The following SOX6 variants were observed in gnomAD, a reference collection of about 807,000 sequenced individuals.
SOX6 encodes the protein transcription factor SOX-6.
In SOX6, 11 loss-of-function variants were observed where a neutral mutation model predicts 97.8. The observed-to-expected ratio is 0.11, with a 90% CI of 0.07 to 0.19. The LOEUF (loss-of-function observed/expected upper bound fraction) is 0.19, where lower values mean the gene tolerates loss of function less well. SOX6 is among the 10% of genes least tolerant of loss of function. The pLI, the probability that SOX6 is intolerant of heterozygous loss-of-function variation, is 1.00. For synonymous variants in SOX6, 360 were observed against 371.4 expected, an observed-to-expected ratio of 0.97 and a Z score of 0.35; for missense variants, 810 against 1,039.5, an observed-to-expected ratio of 0.78 and a Z score of 3.04.
intron 3 of SOX6, among the ~76,000 whole-genome samples, chr11:16,282,002 TATATAC>T (rs1409145005): frequency 1.4e-5 from 2 of 146,660 alleles, no homozygotes; most frequent in Non-Finnish European, 3.0e-5. Context: ...TATATATATA[TATATAC>T]ACACACACCC....
At chr11:16,511,554 A>G (rs1477014724) in intron 4 of SOX6, among the ~76,000 whole-genome samples, 6 of 152,048 alleles carry the variant, frequency 3.9e-5, no homozygotes, top group African/African-American at 1.4e-4. Context: ...CCTGAATTCT[A>G]CAAATAGATA....
chr11:16,482,111 C>T (rs558592950), intron 4 of SOX6, among the ~76,000 whole-genome samples: 2 of 144,262 alleles, frequency 1.4e-5, no homozygotes, highest in East Asian at 2.5e-4. Flanking sequence ...TCCATTTTCA[C>T]ACAGATAGGT....
At chr11:16,510,654 T>C (rs1860867211) in intron 4 of SOX6, among the ~76,000 whole-genome samples, 1 of 152,098 alleles carries the variant, frequency 6.6e-6, no homozygotes, top group Admixed American at 6.6e-5. Flanking sequence ...ATCCATCTTT[T>C]TATGTTAAAT....
intron 4 of SOX6, among the ~76,000 whole-genome samples, chr11:16,198,463 G>T (rs1218102920): frequency 6.6e-6 from 1 of 151,850 alleles, no homozygotes; most frequent in Non-Finnish European, 1.5e-5. Flanking sequence ...AATGCTCATG[G>T]TTTTTCAACT....
intron 1 of SOX6, among the ~76,000 whole-genome samples, chr11:16,387,734 T>C (rs1283834399): frequency 6.6e-6 from 1 of 152,136 alleles, no homozygotes; most frequent in Non-Finnish European, 1.5e-5. Flanking sequence ...GCTGCCAATA[T>C]ATAAACTTAT....
At chr11:16,714,460 T>C (rs1238819364) in intron 3 of SOX6, among the ~76,000 whole-genome samples, 1 of 148,668 alleles carries the variant, frequency 6.7e-6, no homozygotes, top group East Asian at 1.9e-4. Flanking sequence ...TCTTTTTTTT[T>C]TTTTTTTTTT....
intron 1 of SOX6, among the ~76,000 whole-genome samples, chr11:16,435,307 T>C (rs1187494864): frequency 2.0e-5 from 3 of 152,200 alleles, no homozygotes; most frequent in Non-Finnish European, 4.4e-5. Context: ...GAACATATTT[T>C]ATATTTTTAA....
intron 1 of SOX6, among the ~76,000 whole-genome samples, chr11:16,362,410 C>A (rs1168788451): frequency 6.6e-6 from 1 of 152,048 alleles, no homozygotes; most frequent in African/African-American, 2.4e-5. Context: ...CCTTGTGGAA[C>A]AATCATAGCA....
At chr11:16,362,550 G>T (rs779375593) in intron 1 of SOX6, among the ~76,000 whole-genome samples, 1 of 152,016 alleles carries the variant, frequency 6.6e-6, no homozygotes, top group Non-Finnish European at 1.5e-5. Flanking sequence ...TTATAGAACA[G>T]CAAGATAATT....
chr11:16,326,899 T>A (rs2134316949), intron 2 of SOX6, among the ~76,000 whole-genome samples: 1 of 152,308 alleles, frequency 6.6e-6, no homozygotes, highest in Non-Finnish European at 1.5e-5. Context: ...GCTGGGAACA[T>A]TTTAAGAGTT....
chr11:16,575,534 AT>A (rs1201209166), intron 4 of SOX6, among the ~76,000 whole-genome samples: 1 of 152,236 alleles, frequency 6.6e-6, no homozygotes, highest in African/African-American at 2.4e-5. Context: ...AACAATTCTG[AT>A]ATTCACACAA....
At chr11:16,105,866 T>G (rs536326727) in intron 7 of SOX6, among the ~76,000 whole-genome samples, 1 of 152,104 alleles carries the variant, frequency 6.6e-6, no homozygotes, top group African/African-American at 2.4e-5. Flanking sequence ...TTGCAGAGTA[T>G]AAGCTTAACA....
chr11:16,635,388 G>A (rs780363781), intron 3 of SOX6, among the ~76,000 whole-genome samples: 14 of 152,342 alleles, frequency 9.2e-5, no homozygotes, highest in Non-Finnish European at 1.8e-4. Context: ...AACTCTTGCT[G>A]TGCAAAGACA....
intron 1 of SOX6, among the ~76,000 whole-genome samples, chr11:16,401,301 T>C (rs1020531233): frequency 6.6e-6 from 1 of 151,450 alleles, no homozygotes; most frequent in Non-Finnish European, 1.5e-5. Flanking sequence ...GAGTTTGTTG[T>C]TGTTGCTGCT....
intron 3 of SOX6, among the ~76,000 whole-genome samples, chr11:16,706,483 T>A (rs1375197871): frequency 0.25 from 1,436 of 5,828 alleles, 403 homozygotes; most frequent in East Asian, 0.43. Flanking sequence ...TATATATATA[T>A]ATATATATAT....
At chr11:16,066,912 T>C (rs1442649241) in intron 9 of SOX6, among the ~76,000 whole-genome samples, 3 of 152,170 alleles carry the variant, frequency 2.0e-5, no homozygotes, top group South Asian at 2.1e-4. Context: ...ATGTGGGACA[T>C]GGAGTCAAAG....
chr11:15,975,757 T>C (rs975171335), intron 15 of SOX6, among the ~76,000 whole-genome samples: 3 of 152,004 alleles, frequency 2.0e-5, no homozygotes, highest in Non-Finnish European at 4.4e-5. Context: ...TAATCAGGAG[T>C]TGAACCTTCC....
In SOX6 at chr11:16,098,094, A is replaced by T. The variant is rs11023846; in HGVS notation, c.899-406T>A. Reference sequence around the variant, plus strand: ...CTTTGTAGGCAAAGAAGAGTATTAGAGTCCAAAAAGGGCTCTGAGCTATTG... The same window carrying T: ...CTTTGTAGGCAAAGAAGAGTATTAGTGTCCAAAAAGGGCTCTGAGCTATTG... On this transcript the variant is annotated intron_variant, in intron 7 of 15. Transcript: ENST00000683767. Among the ~76,000 whole-genome samples the T allele has an allele frequency of 1.8e-4, 28 of 151,970 alleles. No individual in the cohort carries two copies. The East Asian group carries it at 4.7e-3, about 25-fold the overall frequency.
chr11:16,438,332 CTAAG>C (rs1460217025), intron 1 of SOX6, among the ~76,000 whole-genome samples: 1 of 151,782 alleles, frequency 6.6e-6, no homozygotes, highest in African/African-American at 2.4e-5. Context: ...AAAACTGAAC[CTAAG>C]TAATATTTTA....
Sources: gnomAD v4.1 joint callset for allele counts (sites outside exome capture counted in the v4.1 genomes callset) on GRCh38, gnomAD v4.1.1 for gene constraint, MANE v1.5 for transcripts, NCBI Gene and HGNC (gene_info 2026-07-23, HGNC 2026-07-21) for gene names.